Variants in ASH2L observed in about 807,000 individuals in gnomAD.
ASH2L encodes set1/Ash2 histone methyltransferase complex subunit ASH2.
ASH2L carries 30 observed loss-of-function variants against 81.1 expected under a neutral mutation model. The ratio of observed to expected loss-of-function variants is 0.37; its 90% confidence interval spans 0.28 to 0.50. The LOEUF is 0.50. Ranked by LOEUF, ASH2L falls within the 20% of genes least tolerant of loss-of-function variation. The pLI is 0.95. For synonymous variants in ASH2L, 273 were observed against 279.9 expected, an observed-to-expected ratio of 0.98 and a Z score of 0.24; for missense variants, 559 against 792.1, an observed-to-expected ratio of 0.71 and a Z score of 3.53.
At chr8:38,129,169 A>G (rs6474349) in intron 12 of ASH2L, among the ~76,000 whole-genome samples, 1,669 of 152,288 alleles carry the variant, frequency 0.011, 31 homozygotes, top group South Asian at 0.079. Context: ...TTAGTGCACT[A>G]CAGAGAAAAT....
At chr8:38,124,291 C>T (rs1801743907) in intron 10 of ASH2L, 1 of 151,920 alleles carries the variant, frequency 6.6e-6, no homozygotes, top group South Asian at 2.1e-4. Context: ...ACTGCAGCTT[C>T]GACTTCCTGG....
intron 1 of ASH2L, chr8:38,106,058 T>C (rs1262433642): frequency 1.3e-6 from 2 of 1,525,094 alleles, no homozygotes; most frequent in Non-Finnish European, 1.8e-6. Context: ...AGTGCCAGAC[T>C]GGAAGAAGTA....
At chr8:38,110,145 T>G (rs980355817) in intron 3 of ASH2L, among the ~76,000 whole-genome samples, 1 of 152,058 alleles carries the variant, frequency 6.6e-6, no homozygotes, top group African/African-American at 2.4e-5. Flanking sequence ...CCTGACTCCA[T>G]AAAAAAATAC....
rs768399253 is a variant in ASH2L at position 38,110,486 on chromosome 8, G to A, written c.490+19G>A. Reference sequence around the variant, plus strand: ...CAAGCAAGTAAGAACAAACTCTGGAGTATTTGAAGATGATTATCCACTGGA... The same window carrying A: ...CAAGCAAGTAAGAACAAACTCTGGAATATTTGAAGATGATTATCCACTGGA... On this transcript the variant is annotated intron_variant, in intron 4 of 15. Coordinates refer to ENST00000343823, the MANE Select transcript of ASH2L (RefSeq NM_004674.5). 3 of 1,597,414 alleles carry A rather than the reference G, an allele frequency of 1.9e-6. No individual in the cohort carries two copies. Among genetic ancestry groups the A allele is most frequent in the Non-Finnish European group, 1.7e-6 (2 of 1,165,034 alleles).
intron 12 of ASH2L, among the ~76,000 whole-genome samples, chr8:38,130,510 A>T (rs1802015035): frequency 6.6e-6 from 1 of 150,962 alleles, no homozygotes. Flanking sequence ...ATCTTTGGCT[A>T]CTCCCTGTCA....
In ASH2L at chr8:38,105,637, G is replaced by C. The variant is rs201331822; in HGVS notation, c.87G>C (p.Glu29Asp). The part of the protein sequence containing the change: ...GAVANATGAE[E>D]GEMKPVAAGA... ...TCGCAAATGCAACAGGGGCAGAAGA[G>C]GGGGAGATGAAGCCGGTGGCAGCGG... The change falls in exon 1 of 16, where the codon GAG (glutamate) becomes GAC (aspartate). Residue 29 changes from glutamate to aspartate, a missense_variant. Coordinates refer to ENST00000343823, the MANE Select transcript of ASH2L (RefSeq NM_004674.5). The C allele has an allele frequency of 8.7e-6, 14 of 1,602,172 alleles. No homozygotes were observed. Among genetic ancestry groups the C allele is most frequent in the African/African-American group, 8.1e-5 (6 of 74,166 alleles).
At chr8:38,111,029 G>A (rs1055521689) in intron 5 of ASH2L, among the ~76,000 whole-genome samples, 196 bp downstream of exon 5, 17 of 151,970 alleles carry the variant, frequency 1.1e-4, no homozygotes, top group African/African-American at 3.6e-4. Context: ...CTGCCTCCTG[G>A]GTCCCAGAGA....
intron 10 of ASH2L, among the ~76,000 whole-genome samples, chr8:38,125,392 G>A (rs1407923632): frequency 1.3e-5 from 2 of 152,030 alleles, no homozygotes; most frequent in Non-Finnish European, 2.9e-5. Flanking sequence ...AGGCTGAGGC[G>A]GGTGGATCAC....
chr8:38,123,082 CTTTT>C (rs59410420), intron 10 of ASH2L, among the ~76,000 whole-genome samples: 1 of 100,904 alleles, frequency 9.9e-6, no homozygotes. Flanking sequence ...TTCAGAATTT[CTTTT>C]TTTTTTTTTT....
chr8:38,111,870 C>T (rs1810695614), intron 5 of ASH2L, among the ~76,000 whole-genome samples: 2 of 152,154 alleles, frequency 1.3e-5, no homozygotes, highest in Admixed American at 1.3e-4. Flanking sequence ...TACTAATTTA[C>T]AGTTCATATT....
chr8:38,119,587 C>G (rs948648453), intron 9 of ASH2L, among the ~76,000 whole-genome samples: 2 of 152,112 alleles, frequency 1.3e-5, no homozygotes, highest in Non-Finnish European at 2.9e-5. Flanking sequence ...GGGTGGATCA[C>G]TTGAGGCCAG....
chr8:38,114,316 ACATTTAAAAAAC>A (rs1200092497), intron 6 of ASH2L, 29 bp downstream of exon 6: 1 of 1,373,616 alleles, frequency 7.3e-7, no homozygotes, highest in Non-Finnish European at 1.0e-6. Flanking sequence ...ATTAGACTTG[ACATTTAAAAAAC>A]CATTGTTTTT....
chr8:38,118,086 G>A (rs576937010), intron 8 of ASH2L, among the ~76,000 whole-genome samples: 17 of 152,128 alleles, frequency 1.1e-4, no homozygotes, highest in African/African-American at 4.1e-4. Flanking sequence ...ATTGTTTTTT[G>A]ATTATGGTTA....
At chr8:38,136,504 C>T (rs182571198) in intron 14 of ASH2L, among the ~76,000 whole-genome samples, 146 of 151,892 alleles carry the variant, frequency 9.6e-4, no homozygotes, top group Admixed American at 7.9e-3. Flanking sequence ...GCTGGGTGCA[C>T]TGGCTCACGC....
intron 5 of ASH2L, among the ~76,000 whole-genome samples, chr8:38,112,603 G>A (rs564247701): frequency 3.9e-5 from 6 of 152,146 alleles, no homozygotes; most frequent in Middle Eastern, 3.4e-3. Context: ...CATAAGTATT[G>A]TGTGTTTTTT....
chr8:38,110,321 AAAAAG>A, intron 3 of ASH2L, 53 bp from the exon 4 acceptor site: 1 of 1,348,120 alleles, frequency 7.4e-7, no homozygotes, highest in Non-Finnish European at 1.1e-6. Flanking sequence ...TTAAAAAAAG[AAAAAG>A]AAGTGTGTGT....
chr8:38,126,456 T>C (rs6999212), intron 10 of ASH2L, among the ~76,000 whole-genome samples: 1,801 of 152,262 alleles, frequency 0.012, 48 homozygotes, highest in African/African-American at 0.041. Flanking sequence ...AATAGTATTA[T>C]TGTTAATTTT....
chr8:38,115,117 G>A (rs1585574530), intron 7 of ASH2L, 117 bp downstream of exon 7: 2 of 673,928 alleles, frequency 3.0e-6, no homozygotes, highest in East Asian at 2.7e-5. Context: ...TATGCACATA[G>A]CATGGTGGAC....
At chr8:38,110,133 A>T (rs543542847) in intron 3 of ASH2L, among the ~76,000 whole-genome samples, 7 of 152,280 alleles carry the variant, frequency 4.6e-5, no homozygotes, top group Admixed American at 6.5e-5. Flanking sequence ...GCATGGCGAA[A>T]CCCTGACTCC....
Sources: allele counts gnomAD v4.1 joint callset (sites outside exome capture counted in the v4.1 genomes callset), GRCh38; gene constraint gnomAD v4.1.1; transcripts MANE v1.5; gene names NCBI Gene and HGNC (gene_info 2026-07-23, HGNC 2026-07-21).